Variants in MDGA2 observed in about 807,000 individuals in gnomAD.
The protein encoded by MDGA2 is MAM domain containing glycosylphosphatidylinositol anchor 2.
MDGA2 carries 40 observed loss-of-function variants against 117.8 expected under a neutral mutation model. The ratio of observed to expected loss-of-function variants is 0.34; its 90% CI spans 0.26 to 0.44. The LOEUF (loss-of-function observed/expected upper bound fraction) is 0.44, where lower values mean the gene tolerates loss of function less well. Ranked by LOEUF, MDGA2 falls within the 20% of genes least tolerant of loss-of-function variation. The probability of loss-of-function intolerance (pLI) is 1.00; values close to 1 mark genes in which losing one functional copy is unlikely to be tolerated. For missense variants in MDGA2, 1,123 were observed against 1,250.6 expected, an observed-to-expected ratio of 0.90 and a Z score of 1.54; for synonymous variants, 452 against 439.0, an observed-to-expected ratio of 1.03 and a Z score of -0.37.
chr14:47,117,291 T>G (rs551511100), intron 5 of MDGA2, among the ~76,000 whole-genome samples: 1 of 152,262 alleles, frequency 6.6e-6, no homozygotes, highest in South Asian at 2.1e-4. Flanking sequence ...AACTGGAAGC[T>G]TCGTGCAATG....
At chr14:47,613,503 A>ACACACACACACG (rs1896892716) in intron 1 of MDGA2, among the ~76,000 whole-genome samples, 10 of 151,432 alleles carry the variant, frequency 6.6e-5, no homozygotes, top group African/African-American at 2.4e-4. Context: ...ACACACACAC[A>ACACACACACACG]CACGCACACG....
chr14:47,319,679 C>G (rs1230751999), intron 1 of MDGA2, among the ~76,000 whole-genome samples: 1 of 152,130 alleles, frequency 6.6e-6, no homozygotes, highest in East Asian at 1.9e-4. Context: ...AGAAAGTACA[C>G]TATGCTCTAC....
rs370679133 is a variant in MDGA2 at position 46,864,720 on chromosome 14, G to C, written c.2752+8713C>G. 1.3e-3 allele frequency among the ~76,000 whole-genome samples: 192 copies of C among 151,332 alleles called. 2 individuals are homozygous for C. Among genetic ancestry groups the C allele is most frequent in the African/African-American group, 4.5e-3 (184 of 41,276 alleles). On this transcript the variant is annotated intron_variant, in intron 14 of 16. Transcript: ENST00000399232. The stretch of plus-strand genomic sequence containing the variant: ...AAATACCAACAGGACTTCACTGAGA[G>C]CATAGACTAATTCTTAACAGAAAGC...
chr14:47,484,299 A>C (rs1465393287), intron 1 of MDGA2, among the ~76,000 whole-genome samples: 1 of 152,204 alleles, frequency 6.6e-6, no homozygotes, highest in Non-Finnish European at 1.5e-5. Flanking sequence ...TGTGAAATAC[A>C]TTTGGTCTTC....
intron 6 of MDGA2, among the ~76,000 whole-genome samples, chr14:47,071,012 A>G (rs1890261693): frequency 6.6e-6 from 1 of 152,266 alleles, no homozygotes; most frequent in Non-Finnish European, 1.5e-5. Context: ...ATGGTTTTAA[A>G]TATTCCTTGC....
Position 47,060,263 on chromosome 14 carries a change from T to A in MDGA2, c.1525+986A>T, listed in dbSNP as rs145892098. ...TTGTGCAAAGTTAGCACATTTTTGT[T>A]AGCCTGAATCATAAACTTCTATTCT... On this transcript the variant is annotated intron_variant, in intron 7 of 16. Transcript: ENST00000399232. 6.1e-3 allele frequency among the ~76,000 whole-genome samples: 934 copies of A among 152,194 alleles called. 9 individuals are homozygous for A. The highest frequency in any genetic ancestry group is 8.6e-3 in the Non-Finnish European group (586 of 67,966).
At chr14:47,588,379 AT>A (rs765631256) in intron 1 of MDGA2, among the ~76,000 whole-genome samples, 10 of 151,608 alleles carry the variant, frequency 6.6e-5, no homozygotes, top group Non-Finnish European at 1.3e-4. Flanking sequence ...TCTACCAACA[AT>A]GTATGAGGGT....
chr14:46,854,671 G>T (rs1051551699), intron 15 of MDGA2, among the ~76,000 whole-genome samples: 5 of 151,618 alleles, frequency 3.3e-5, no homozygotes, highest in African/African-American at 1.2e-4. Flanking sequence ...AACAGATTGA[G>T]AATTGATTAC....
At chr14:47,573,920 GA>G (rs946631698) in intron 1 of MDGA2, among the ~76,000 whole-genome samples, 32 of 148,586 alleles carry the variant, frequency 2.2e-4, no homozygotes, top group African/African-American at 5.9e-4. Flanking sequence ...AAAGTTAATA[GA>G]AAAAAAAAAT....
At chr14:47,504,430 C>G (rs766791272) in intron 1 of MDGA2, among the ~76,000 whole-genome samples, 2 of 151,978 alleles carry the variant, frequency 1.3e-5, no homozygotes, top group Non-Finnish European at 1.5e-5. Flanking sequence ...TCTTCTCCAT[C>G]ACATTATAGT....
chr14:46,930,625 G>T (rs1566530933), intron 9 of MDGA2, among the ~76,000 whole-genome samples: 1 of 152,088 alleles, frequency 6.6e-6, no homozygotes, highest in Non-Finnish European at 1.5e-5. Flanking sequence ...CTTGAAATGA[G>T]AAAGAGTTAA....
intron 2 of MDGA2, among the ~76,000 whole-genome samples, chr14:47,260,345 T>C (rs1887754809): frequency 6.6e-6 from 1 of 152,026 alleles, no homozygotes; most frequent in South Asian, 2.1e-4. Flanking sequence ...GCAGTGCATA[T>C]ATTTTGGGGA....
At chr14:46,931,297 GTACT>G (rs925358842) in intron 9 of MDGA2, among the ~76,000 whole-genome samples, 4 of 151,248 alleles carry the variant, frequency 2.6e-5, no homozygotes, top group South Asian at 2.1e-4. Flanking sequence ...AGTAATTCAG[GTACT>G]TACTTCTTAC....
chr14:47,606,629 C>T (rs1194686705), intron 1 of MDGA2, among the ~76,000 whole-genome samples: 1 of 152,086 alleles, frequency 6.6e-6, no homozygotes, highest in Non-Finnish European at 1.5e-5. Context: ...TGCCTTGTGT[C>T]AGCAGATCCA....
chr14:47,488,794 A>G (rs371891841), intron 1 of MDGA2, among the ~76,000 whole-genome samples: 44 of 152,152 alleles, frequency 2.9e-4, no homozygotes, highest in East Asian at 1.2e-3. Context: ...ACTCTGCACA[A>G]CAGAGGTTCA....
chr14:47,202,098 C>G (rs1885528427), intron 3 of MDGA2, among the ~76,000 whole-genome samples: 1 of 152,142 alleles, frequency 6.6e-6, no homozygotes, highest in Non-Finnish European at 1.5e-5. Context: ...TCTTTTTCTT[C>G]TTAGCATCCT....
intron 2 of MDGA2, among the ~76,000 whole-genome samples, chr14:47,278,832 T>C (rs1195846685): frequency 6.6e-6 from 1 of 152,200 alleles, no homozygotes; most frequent in Non-Finnish European, 1.5e-5. Flanking sequence ...TCTTTCAGGA[T>C]TATTCCATGA....
chr14:47,638,026 T>C (rs1250032193), intron 1 of MDGA2, among the ~76,000 whole-genome samples: 2 of 152,160 alleles, frequency 1.3e-5, no homozygotes, highest in African/African-American at 4.8e-5. Flanking sequence ...ATTATAGTCT[T>C]CAAAGCTACA....
At chr14:47,554,218 A>G (rs1003322673) in intron 1 of MDGA2, among the ~76,000 whole-genome samples, 1 of 152,166 alleles carries the variant, frequency 6.6e-6, no homozygotes, top group African/African-American at 2.4e-5. Flanking sequence ...TCTGATGATG[A>G]GTATATCACA....
Sources: gnomAD v4.1 joint callset for allele counts (sites outside exome capture counted in the v4.1 genomes callset) on GRCh38, gnomAD v4.1.1 for gene constraint, MANE v1.5 for transcripts, NCBI Gene and HGNC (gene_info 2026-07-23, HGNC 2026-07-21) for gene names.